APCDD1L: variants seen among roughly 807,000 people sequenced by gnomAD.
APCDD1L encodes protein APCDD1-like.
Under a neutral mutation model 24.2 loss-of-function variants are expected in APCDD1L, and 21 were observed. The ratio of observed to expected loss-of-function variants is 0.87; its 90% CI spans 0.61 to 1.25. The LOEUF is 1.25. Among genes scored for constraint, APCDD1L ranks in the 50% most tolerant of loss-of-function variants. The pLI is 0.00. For synonymous variants in APCDD1L, 321 were observed against 323.6 expected, an observed-to-expected ratio of 0.99 and a Z score of 0.09; for missense variants, 704 against 711.7, an observed-to-expected ratio of 0.99 and a Z score of 0.12.
chr20:58,470,469 G>A (rs913384818), intron 2 of APCDD1L, 140 bp downstream of exon 2: 65 of 1,214,384 alleles, frequency 5.4e-5, no homozygotes, highest in Non-Finnish European at 6.6e-5. Context: ...GGGGAGGCAA[G>A]CATCTCCAGC....
At chr20:58,505,128 T>C (rs1990508930) in intron 1 of APCDD1L, among the ~76,000 whole-genome samples, 1 of 152,222 alleles carries the variant, frequency 6.6e-6, no homozygotes, top group East Asian at 1.9e-4. Context: ...ATTTCATATG[T>C]TTTCTTTTTT....
chr20:58,502,883 C>G (rs537364768), intron 1 of APCDD1L, among the ~76,000 whole-genome samples: 1 of 152,224 alleles, frequency 6.6e-6, no homozygotes, highest in Non-Finnish European at 1.5e-5. Context: ...ATTCCACGTT[C>G]TTGTTGAAGC....
chr20:58,472,145 A>C (rs6026294), intron 1 of APCDD1L, among the ~76,000 whole-genome samples: 56,960 of 152,046 alleles, frequency 0.37, 10,922 homozygotes, highest in South Asian at 0.42. Flanking sequence ...TGGATTCCTC[A>C]GTTCCCTTGA....
At chr20:58,513,669 A>G (rs947899073) in intron 1 of APCDD1L, 1 of 382,384 alleles carries the variant, frequency 2.6e-6, no homozygotes, top group Non-Finnish European at 5.2e-6. Flanking sequence ...TTCCCTGAAC[A>G]TGAGCTCAGT....
At chr20:58,502,912 A>G (rs527339092) in intron 1 of APCDD1L, among the ~76,000 whole-genome samples, 2 of 152,204 alleles carry the variant, frequency 1.3e-5, no homozygotes, top group African/African-American at 4.8e-5. Flanking sequence ...GGCTCTAGAG[A>G]CTCAGGGGCC....
intron 1 of APCDD1L, among the ~76,000 whole-genome samples, chr20:58,496,392 TG>T (rs1279923222): frequency 1.3e-5 from 2 of 152,226 alleles, no homozygotes; most frequent in African/African-American, 4.8e-5. Flanking sequence ...GCCTGACGCC[TG>T]CCCCCAGGCC....
chr20:58,462,792 T>C (rs541528441), intron 3 of APCDD1L, among the ~76,000 whole-genome samples: 86 of 147,960 alleles, frequency 5.8e-4, no homozygotes, highest in Non-Finnish European at 1.1e-3. Flanking sequence ...TGCAGTGAGC[T>C]GAGATCACAC....
At position 58,467,442 on chromosome 20, in the gene APCDD1L, GA is replaced by G; in HGVS notation, c.404del (p.Val135AlafsTer226). 6.3e-7 allele frequency: 1 copy of G among 1,583,794 alleles called. No homozygotes were observed. The highest frequency in any genetic ancestry group is 1.8e-5 in the Admixed American group (1 of 55,856). On this transcript the variant is annotated frameshift_variant, in exon 3 of 4. Transcript: ENST00000371149. LOFTEE classifies it high-confidence loss of function. The surrounding 1 kb of genome is among the most constrained non-coding windows in gnomAD (Gnocchi z 5.9). ...ADYHLHKVGI[V>X]FHSRRALVDV... ...CGACCAGGGCCCGGCGGCTGTGGAA[GA>G]CGATGCCCACCTTGTGCAGGTGGTA...
intron 1 of APCDD1L, among the ~76,000 whole-genome samples, chr20:58,511,368 G>C (rs568658091): frequency 6.6e-6 from 1 of 152,300 alleles, no homozygotes; most frequent in Non-Finnish European, 1.5e-5. Flanking sequence ...GGCTGGTTTT[G>C]GCAGTGAACC....
At chr20:58,495,077 C>T (rs765881496) in intron 1 of APCDD1L, among the ~76,000 whole-genome samples, 1 of 152,166 alleles carries the variant, frequency 6.6e-6, no homozygotes, top group Non-Finnish European at 1.5e-5. Context: ...CCAACTGGTG[C>T]AGATTGGACG....
intron 1 of APCDD1L, among the ~76,000 whole-genome samples, chr20:58,487,663 G>A (rs1990146072): frequency 6.6e-6 from 1 of 152,174 alleles, no homozygotes; most frequent in African/African-American, 2.4e-5. Context: ...AGGAAACTGG[G>A]TGGCTACATC....
intron 1 of APCDD1L, among the ~76,000 whole-genome samples, chr20:58,471,452 C>A (rs937235997): frequency 6.6e-6 from 1 of 152,246 alleles, no homozygotes; most frequent in Non-Finnish European, 1.5e-5. Context: ...TCCCTAAGCC[C>A]AGACACCAGG....
In APCDD1L at chr20:58,467,712, C is replaced by T. The variant is rs1321383841; in HGVS notation, c.189-54G>A. ...TGCAGAGGGAACACCGCGCCGCGAG[C>T]CCCTCTCCCCTCTGGGCTGGGCTCC... On this transcript the variant is annotated intron_variant, in intron 2 of 3. Coordinates refer to ENST00000371149, the MANE Select transcript of APCDD1L (RefSeq NM_153360.3). This position sits in a 1 kb window ranked among gnomAD's most constrained non-coding sequence, Gnocchi z 5.9. 1 of 1,389,966 alleles carries T rather than the reference C, an allele frequency of 7.2e-7. No homozygotes were observed. Among genetic ancestry groups the T allele is most frequent in the Non-Finnish European group, 9.4e-7 (1 of 1,068,294 alleles). 86.1% of individuals were successfully genotyped at this position (1,389,966 alleles called of 1,614,324 possible). A position where few individuals can be genotyped will look rare whatever the true frequency, so the allele number is the denominator to read the frequency against.
intron 1 of APCDD1L, among the ~76,000 whole-genome samples, chr20:58,489,741 G>C (rs1990190062): frequency 6.6e-6 from 1 of 151,738 alleles, no homozygotes; most frequent in Non-Finnish European, 1.5e-5. Flanking sequence ...AACTCGTCCA[G>C]AAAGTAGAAA....
chr20:58,461,666 C>T lies in APCDD1L; in HGVS notation c.742-112G>A. The stretch of plus-strand genomic sequence containing the variant: ...GTGTCAAGGCAGGGTGAGGTGCGGC[C>T]TGTCCCTCCCTCCTCTCTCTCCTCA... On this transcript the variant is annotated intron_variant, in intron 3 of 3. Coordinates refer to ENST00000371149, the MANE Select transcript of APCDD1L (RefSeq NM_153360.3). The surrounding 1 kb of genome is among the most constrained non-coding windows in gnomAD (Gnocchi z 6.0). 9.1e-7 allele frequency: 1 copy of T among 1,100,318 alleles called. No individual in the cohort carries two copies. Among genetic ancestry groups the T allele is most frequent in the Non-Finnish European group, 1.2e-6 (1 of 846,032 alleles). 68.2% of individuals were successfully genotyped at this position (1,100,318 alleles called of 1,614,324 possible). A position where few individuals can be genotyped will look rare whatever the true frequency, so the allele number is the denominator to read the frequency against.
At chr20:58,490,865 C>T (rs193114432) in intron 1 of APCDD1L, among the ~76,000 whole-genome samples, 45 of 152,178 alleles carry the variant, frequency 3.0e-4, no homozygotes, top group East Asian at 1.7e-3. Flanking sequence ...ATAGGCCAAT[C>T]GCATTTATGG....
chr20:58,498,285 G>A (rs1456346219), intron 1 of APCDD1L, among the ~76,000 whole-genome samples: 1 of 152,164 alleles, frequency 6.6e-6, no homozygotes, highest in East Asian at 1.9e-4. Flanking sequence ...AGTGAAATTT[G>A]TTCGGAAGGG....
At position 58,461,050 on chromosome 20, in the gene APCDD1L, T is replaced by C. The variant is rs1345986867; in HGVS notation, c.1246A>G (p.Met416Val). Residue 416 changes from methionine to valine, a missense_variant, in exon 4 of 4, where the codon ATG becomes GTG. Transcript: ENST00000371149. The surrounding 1 kb of genome is among the most constrained non-coding windows in gnomAD (Gnocchi z 6.0). ...LPHVEYELFK[M>V]EQDPLGQSLL... ...CTTTGCCCGAGGGGGTCTTGTTCCA[T>C]CTTGAAAAGCTCGTACTCCACATGC... The C allele has an allele frequency of 6.2e-7, 1 of 1,614,052 alleles. No homozygotes were observed. The highest frequency in any genetic ancestry group is 1.1e-5 in the South Asian group (1 of 91,086).
chr20:58,509,274 T>C (rs2123196171), intron 1 of APCDD1L, among the ~76,000 whole-genome samples: 1 of 152,222 alleles, frequency 6.6e-6, no homozygotes, highest in Non-Finnish European at 1.5e-5. Flanking sequence ...GTCAGGGCCT[T>C]TGGATTGGGC....
Sources: gnomAD v4.1 joint callset for allele counts (sites outside exome capture counted in the v4.1 genomes callset) on GRCh38, gnomAD v4.1.1 for gene constraint, Gnocchi (gnomAD v3.1) non-coding constraint, MANE v1.5 for transcripts, NCBI Gene and HGNC (gene_info 2026-07-23, HGNC 2026-07-21) for gene names.